Variants in DCDC1 observed in about 807,000 individuals in gnomAD.
DCDC1 encodes the protein doublecortin domain-containing protein 1.
Under a neutral mutation model 178.3 loss-of-function variants are expected in DCDC1, and 200 were observed. The ratio of observed to expected loss-of-function variants is 1.12; its 90% CI spans 1.00 to 1.26. The LOEUF is 1.26. Among genes scored for constraint, DCDC1 ranks in the 50% most tolerant of loss-of-function variants. The probability of loss-of-function intolerance (pLI) is 0.00; values close to 1 mark genes in which losing one functional copy is unlikely to be tolerated. For missense variants in DCDC1, 1,983 were observed against 1,749.2 expected (o/e 1.13, Z -2.38); for synonymous variants, 690 against 604.8 (o/e 1.14, Z -2.07).
chr11:31,288,947 C>T (rs552849719), intron 7 of DCDC1, among the ~76,000 whole-genome samples: 1 of 151,924 alleles, frequency 6.6e-6, no homozygotes, highest in African/African-American at 2.4e-5. Flanking sequence ...AAATGTGATA[C>T]TGAGGCAAAT....
chr11:31,174,416 G>A (rs1217923598), intron 9 of DCDC1, among the ~76,000 whole-genome samples: 1 of 152,212 alleles, frequency 6.6e-6, no homozygotes, highest in Non-Finnish European at 1.5e-5. Flanking sequence ...ACCAGCACAA[G>A]ATGGAGGCCA....
chr11:30,881,235 G>C lies in DCDC1; in HGVS notation c.5156C>G (p.Pro1719Arg). The change falls in exon 37 of 39, where the codon CCA becomes CGA. Residue 1719 changes from proline (P) to arginine (R), a missense_variant. By Grantham distance (103) the Pro-to-Arg change is moderately radical (BLOSUM62 -2). Coordinates refer to ENST00000684477, the MANE Select transcript of DCDC1 (RefSeq NM_001387274.1). ...ARALYTPSGE[P>R]IQSWDDIERD... ...CTCTATGTCGTCCCAGGACTGAATTGGCTCTCCACTGGGGGTGTACAGTGC... is the reference window on the plus strand; with the variant it reads ...CTCTATGTCGTCCCAGGACTGAATTCGCTCTCCACTGGGGGTGTACAGTGC... The C allele has an allele frequency of 6.2e-7, 1 of 1,613,532 alleles. No homozygotes were observed. The highest frequency in any genetic ancestry group is 1.3e-5 in the African/African-American group (1 of 75,008).
intron 20 of DCDC1, among the ~76,000 whole-genome samples, chr11:31,017,384 G>A (rs1952548640): frequency 6.6e-6 from 1 of 152,012 alleles, no homozygotes; most frequent in South Asian, 2.1e-4. Context: ...TCTTTCTTGT[G>A]ATTTTTAAAA....
chr11:31,104,954 C>T lies in DCDC1; in HGVS notation c.1752-1185G>A, dbSNP rs150833195. Among the ~76,000 whole-genome samples the T allele has an allele frequency of 4.2e-3, 637 of 151,942 alleles. 1 individual carries two copies. The highest frequency in any genetic ancestry group is 6.7e-3 in the Non-Finnish European group (454 of 67,874). ...AAAAATAAAATATTCAAAATAGAAG[C>T]GGACATCGGCAAAAATCATCTTTTA... On this transcript the variant is annotated intron_variant, in intron 13 of 38. Coordinates refer to ENST00000684477, the MANE Select transcript of DCDC1 (RefSeq NM_001387274.1).
intron 28 of DCDC1, among the ~76,000 whole-genome samples, chr11:30,909,917 A>G (rs1945328007): frequency 1.3e-5 from 2 of 152,194 alleles, no homozygotes; most frequent in South Asian, 2.1e-4. Flanking sequence ...TAAATATGTC[A>G]TAACACCTCA....
At chr11:31,280,240 C>A (rs1323391518) in intron 7 of DCDC1, among the ~76,000 whole-genome samples, 1 of 152,082 alleles carries the variant, frequency 6.6e-6, no homozygotes, top group Non-Finnish European at 1.5e-5. Flanking sequence ...CTTTAAGAGG[C>A]AAATGAACAC....
intron 7 of DCDC1, among the ~76,000 whole-genome samples, chr11:31,270,215 C>G (rs1421226670): frequency 6.6e-6 from 1 of 152,076 alleles, no homozygotes; most frequent in Non-Finnish European, 1.5e-5. Context: ...ATTTTGAATT[C>G]CTAAAACAGA....
chr11:31,045,090 A>G (rs1382727615), intron 20 of DCDC1, among the ~76,000 whole-genome samples: 1 of 152,122 alleles, frequency 6.6e-6, no homozygotes, highest in Admixed American at 6.5e-5. Flanking sequence ...ATAAAATCTT[A>G]TGTCTTATAT....
chr11:31,262,596 A>G (rs2137081919), intron 8 of DCDC1: 1 of 152,984 alleles, frequency 6.5e-6, no homozygotes, highest in Middle Eastern at 3.4e-3. Flanking sequence ...TTCTGATCTG[A>G]TACAAAGCAA....
intron 20 of DCDC1, among the ~76,000 whole-genome samples, chr11:31,005,668 C>A (rs1951795506): frequency 6.6e-6 from 1 of 152,100 alleles, no homozygotes; most frequent in South Asian, 2.1e-4. Flanking sequence ...GATGAGAGAA[C>A]TGGTATGGGA....
intron 9 of DCDC1, among the ~76,000 whole-genome samples, chr11:31,199,417 C>G (rs957610268): frequency 6.6e-6 from 1 of 152,002 alleles, no homozygotes; most frequent in Non-Finnish European, 1.5e-5. Context: ...ATAATGAGTC[C>G]AAAAGCTTGT....
At chr11:31,097,951 G>A (rs1958257647) in intron 15 of DCDC1, among the ~76,000 whole-genome samples, 1 of 152,086 alleles carries the variant, frequency 6.6e-6, no homozygotes, top group East Asian at 1.9e-4. Context: ...CATAACTACT[G>A]AATTTACAAG....
chr11:31,345,923 C>T (rs1175418423), intron 1 of DCDC1, among the ~76,000 whole-genome samples: 1 of 152,154 alleles, frequency 6.6e-6, no homozygotes, highest in East Asian at 1.9e-4. Context: ...TGCTTGTCAT[C>T]ATGAGATGAA....
chr11:31,044,283 C>G (rs1338237809), intron 20 of DCDC1, among the ~76,000 whole-genome samples: 5 of 152,050 alleles, frequency 3.3e-5, no homozygotes. Flanking sequence ...GGAGACCATC[C>G]TGGCTAACGT....
At chr11:31,144,700 AT>A (rs1227574636) in intron 9 of DCDC1, among the ~76,000 whole-genome samples, 3 of 151,548 alleles carry the variant, frequency 2.0e-5, no homozygotes, top group African/African-American at 7.3e-5. Flanking sequence ...TGCTATATGT[AT>A]TTTTTCTTTT....
chr11:31,040,405 ACT>A (rs1251146691), intron 20 of DCDC1, among the ~76,000 whole-genome samples: 1 of 151,984 alleles, frequency 6.6e-6, no homozygotes, highest in Non-Finnish European at 1.5e-5. Context: ...GGACCTGATA[ACT>A]CATTTCTAGC....
chr11:31,323,042 C>A (rs1949452614), intron 3 of DCDC1, among the ~76,000 whole-genome samples: 1 of 151,994 alleles, frequency 6.6e-6, no homozygotes, highest in South Asian at 2.1e-4. Flanking sequence ...CTGCTATTTT[C>A]TAAAAATTCT....
At position 30,911,223 on chromosome 11, in the gene DCDC1, G is replaced by T. The variant is rs1945424531; in HGVS notation, c.3747+104C>A. 5.8e-6 allele frequency: 5 copies of T among 868,142 alleles called. No individual in the cohort carries two copies. The African/African-American group carries it at 6.9e-5, about 12-fold the overall frequency. The allele number at this position is 868,142 out of a possible 1,614,324, so 53.8% of individuals were successfully genotyped here. ...AAATATTTTAACAACATTCAAATAG[G>T]ATTCTATGACAGTTTTTTTTTTTCC... On this transcript the variant is annotated intron_variant, in intron 28 of 38. Transcript: ENST00000684477.
chr11:30,922,427 T>G, intron 24 of DCDC1, 76 bp downstream of exon 24: 1 of 1,405,178 alleles, frequency 7.1e-7, no homozygotes, highest in Non-Finnish European at 9.3e-7. Flanking sequence ...AAACAAACTT[T>G]GACTTTTTAA....
Sources: allele counts gnomAD v4.1 joint callset (sites outside exome capture counted in the v4.1 genomes callset), GRCh38; gene constraint gnomAD v4.1.1; transcripts MANE v1.5; gene names NCBI Gene and HGNC (gene_info 2026-07-23, HGNC 2026-07-21).